The following PARD6G variants were observed in gnomAD, a reference collection of about 807,000 sequenced individuals.
PARD6G encodes the protein partitioning defective 6 homolog gamma.
PARD6G carries 7 observed loss-of-function variants against 10.7 expected under a neutral mutation model. That is an observed-to-expected ratio of 0.66 (90% CI 0.37 to 1.23). The LOEUF (loss-of-function observed/expected upper bound fraction) is 1.23, where lower values mean the gene tolerates loss of function less well. PARD6G is among the 50% of genes most tolerant of loss of function. The pLI is 0.02. For synonymous variants in PARD6G, 287 were observed against 269.4 expected, an observed-to-expected ratio of 1.07 and a Z score of -0.64; for missense variants, 548 against 571.8, an observed-to-expected ratio of 0.96 and a Z score of 0.42.
At chr18:80,164,997 A>G (rs1014658503) in intron 2 of PARD6G, among the ~76,000 whole-genome samples, 1 of 152,252 alleles carries the variant, frequency 6.6e-6, no homozygotes, top group Non-Finnish European at 1.5e-5. Flanking sequence ...CAAAGGGCAA[A>G]AGCAGAACCA....
rs1288710891 is a variant in PARD6G at position 80,231,459 on chromosome 18, G to A, written c.72+15818C>T. The stretch of plus-strand genomic sequence containing the variant: ...GCTGCCCACTGGGAGCGGCTGAGGG[G>A]ATGCAGGCTGGGTCACTGGAGTTGT... On this transcript the variant is annotated intron_variant, in intron 1 of 2. Coordinates refer to ENST00000353265, the MANE Select transcript of PARD6G (RefSeq NM_032510.4). The surrounding 1 kb of genome is among the most constrained non-coding windows in gnomAD (Gnocchi z 4.2). 6.6e-6 allele frequency among the ~76,000 whole-genome samples: 1 copy of A among 152,208 alleles called. No individual in the cohort carries two copies. Among genetic ancestry groups the A allele is most frequent in the African/African-American group, 2.4e-5 (1 of 41,446 alleles).
Position 80,159,861 on chromosome 18 carries a change from C to A in PARD6G, c.1041G>T (p.Arg347=). The change falls in exon 3 of 3, where the codon CGG becomes CGT. Residue 347 remains arginine (R), a synonymous_variant. Coordinates refer to ENST00000353265, the MANE Select transcript of PARD6G (RefSeq NM_032510.4). The part of the protein sequence containing the change: ...RDLALDGGLQ[R]LLSSLRADPR... ...GGTCGGCCCGCAGGGAGCTGAGCAG[C>A]CGCTGGAGGCCGCCGTCCAGGGCCA... 1 of 1,509,302 alleles carries A rather than the reference C, an allele frequency of 6.6e-7. No homozygotes were observed. The highest frequency in any genetic ancestry group is 8.8e-7 in the Non-Finnish European group (1 of 1,134,490). The allele number at this position is 1,509,302 out of a possible 1,614,324, so 93.5% of individuals were successfully genotyped here. A position where few individuals can be genotyped will look rare whatever the true frequency, so the allele number is the denominator to read the frequency against.
intron 2 of PARD6G, among the ~76,000 whole-genome samples, chr18:80,194,693 T>C (rs1039467771): frequency 3.3e-5 from 5 of 151,902 alleles, no homozygotes; most frequent in Non-Finnish European, 5.9e-5. Context: ...CTAGGCCACG[T>C]GGGGAATTAT....
intron 2 of PARD6G, among the ~76,000 whole-genome samples, chr18:80,194,670 G>A (rs1568434208): frequency 6.6e-6 from 1 of 152,084 alleles, no homozygotes; most frequent in African/African-American, 2.4e-5. Flanking sequence ...CAAAATACTA[G>A]TGCAGGAGGA....
At chr18:80,210,517 C>G (rs777188722) in intron 1 of PARD6G, among the ~76,000 whole-genome samples, 2 of 152,190 alleles carry the variant, frequency 1.3e-5, no homozygotes, top group Non-Finnish European at 2.9e-5. Flanking sequence ...ATCGTCAGAC[C>G]TGTCTTGCAG....
Position 80,246,660 on chromosome 18 carries a change from A to C in PARD6G, c.72+617T>G, listed in dbSNP as rs1397490591. ...GTGGGGTGGGGTGTCTGGCCCGGGG[A>C]CGCGCCCGGGGAGGCGTGGTCTGGG... On this transcript the variant is annotated intron_variant, in intron 1 of 2. Coordinates refer to ENST00000353265, the MANE Select transcript of PARD6G (RefSeq NM_032510.4). This position sits in a 1 kb window ranked among gnomAD's most constrained non-coding sequence, Gnocchi z 6.7. 9.5e-6 allele frequency among the ~76,000 whole-genome samples: 1 copy of C among 105,496 alleles called. No individual in the cohort carries two copies. The highest frequency in any genetic ancestry group is 2.0e-5 in the Non-Finnish European group (1 of 51,208). The allele number at this position is 105,496 out of a possible 152,430, so 69.2% of individuals were successfully genotyped here.
intron 1 of PARD6G, among the ~76,000 whole-genome samples, chr18:80,220,938 A>C (rs2145294130): frequency 6.6e-6 from 1 of 152,324 alleles, no homozygotes; most frequent in South Asian, 2.1e-4. Context: ...ACTATGAGTA[A>C]CTGTATGCCA....
chr18:80,163,073 C>T (rs767270975), intron 2 of PARD6G, among the ~76,000 whole-genome samples: 15 of 152,132 alleles, frequency 9.9e-5, no homozygotes, highest in Admixed American at 3.3e-4. Flanking sequence ...TTCCATGATA[C>T]GGGCTCTTCC....
At chr18:80,222,093 CT>C (rs1393720302) in intron 1 of PARD6G, among the ~76,000 whole-genome samples, 19 of 147,872 alleles carry the variant, frequency 1.3e-4, no homozygotes, top group South Asian at 2.1e-4. Context: ...TTTCTTTTTT[CT>C]TTTTTTTTTA....
chr18:80,229,367 G>A (rs111682981), intron 1 of PARD6G, among the ~76,000 whole-genome samples: 232 of 152,356 alleles, frequency 1.5e-3, no homozygotes, highest in African/African-American at 4.6e-3. Context: ...AATTACCTTG[G>A]CACAAAACAG....
At chr18:80,203,853 C>G (rs1448012607) in intron 1 of PARD6G, among the ~76,000 whole-genome samples, 1 of 152,108 alleles carries the variant, frequency 6.6e-6, no homozygotes, top group Admixed American at 6.5e-5. Flanking sequence ...CATGAAATTG[C>G]AAGAATAAAG....
intron 1 of PARD6G, among the ~76,000 whole-genome samples, chr18:80,209,046 G>A (rs1040595836): frequency 5.9e-5 from 9 of 151,856 alleles, no homozygotes; most frequent in African/African-American, 2.2e-4. Context: ...GGTGCAGTGA[G>A]CCAAGATTGC....
intron 1 of PARD6G, among the ~76,000 whole-genome samples, chr18:80,239,459 CA>C (rs1000217718): frequency 1.3e-5 from 2 of 151,576 alleles, no homozygotes; most frequent in Non-Finnish European, 2.9e-5. Flanking sequence ...AAAAAATTAC[CA>C]AAAAAAAATC....
At position 80,175,473 on chromosome 18, in the gene PARD6G, T is replaced by A. The variant is rs1206855164; in HGVS notation, c.296-14867A>T. Among the ~76,000 whole-genome samples the A allele has an allele frequency of 6.6e-6, 1 of 152,142 alleles. No homozygotes were observed. Among genetic ancestry groups the A allele is most frequent in the African/African-American group, 2.4e-5 (1 of 41,432 alleles). ...GCCTCCTCCTCTGCTTACGACACAG[T>A]CTGATTAGGTCAGGGCTTCGTCCTT... On this transcript the variant is annotated intron_variant, in intron 2 of 2. Transcript: ENST00000353265. This position sits in a 1 kb window ranked among gnomAD's most constrained non-coding sequence, Gnocchi z 6.7.
chr18:80,207,421 A>T (rs112885769), intron 1 of PARD6G, among the ~76,000 whole-genome samples: 4 of 146,060 alleles, frequency 2.7e-5, no homozygotes, highest in South Asian at 2.2e-4. Flanking sequence ...ATTCTTCCGA[A>T]GTTTATTTGG....
At chr18:80,208,604 A>G (rs1967077703) in intron 1 of PARD6G, among the ~76,000 whole-genome samples, 1 of 152,104 alleles carries the variant, frequency 6.6e-6, no homozygotes, top group African/African-American at 2.4e-5. Context: ...ACCAATTTCA[A>G]TGAAAGATCA....
At position 80,224,783 on chromosome 18, in the gene PARD6G, G is replaced by C. The variant is rs375534169; in HGVS notation, c.73-21851C>G. On this transcript the variant is annotated intron_variant, in intron 1 of 2. Coordinates refer to ENST00000353265, the MANE Select transcript of PARD6G (RefSeq NM_032510.4). Reference sequence around the variant, plus strand: ...AATGGCGTGAACCTGGGAGGCGGAGGTTGCAGTGAGCCGAGATCGCGCCAC... The same window carrying C: ...AATGGCGTGAACCTGGGAGGCGGAGCTTGCAGTGAGCCGAGATCGCGCCAC... 8.9e-4 allele frequency among the ~76,000 whole-genome samples: 135 copies of C among 152,072 alleles called. 1 individual carries two copies. Among genetic ancestry groups the C allele is most frequent in the Middle Eastern group, 3.4e-3 (1 of 294 alleles).
intron 2 of PARD6G, among the ~76,000 whole-genome samples, chr18:80,168,478 A>G (rs2052751386): frequency 6.6e-6 from 1 of 151,878 alleles, no homozygotes. Context: ...TAAATCTGGT[A>G]TTTTCCACAA....
At chr18:80,227,767 C>T (rs111447074) in intron 1 of PARD6G, among the ~76,000 whole-genome samples, 2,021 of 152,274 alleles carry the variant, frequency 0.013, 23 homozygotes, top group Non-Finnish European at 0.018. Context: ...CACATCCTTC[C>T]CTTCAGCAGA....
Sources: allele counts gnomAD v4.1 joint callset (sites outside exome capture counted in the v4.1 genomes callset), GRCh38; gene constraint gnomAD v4.1.1; non-coding constraint Gnocchi (gnomAD v3.1); transcripts MANE v1.5; gene names NCBI Gene and HGNC (gene_info 2026-07-23, HGNC 2026-07-21).